Variants in OTUD3 observed in about 807,000 individuals in gnomAD.
OTUD3 encodes the protein OTU domain-containing protein 3.
OTUD3 carries 24 observed loss-of-function variants against 46.2 expected under a neutral mutation model. The observed-to-expected ratio is 0.52, with a 90% confidence interval of 0.38 to 0.73. The LOEUF (loss-of-function observed/expected upper bound fraction) is 0.73. Ranked by LOEUF, OTUD3 falls within the 30% of genes least tolerant of loss-of-function variation. The probability of loss-of-function intolerance (pLI) is 0.00; values close to 1 mark genes in which losing one functional copy is unlikely to be tolerated. For missense variants in OTUD3, 455 were observed against 523.3 expected, an observed-to-expected ratio of 0.87 and a Z score of 1.27; for synonymous variants, 189 against 195.4, an observed-to-expected ratio of 0.97 and a Z score of 0.27.
At chr1:19,901,435 T>C (rs1267158779) in intron 4 of OTUD3, among the ~76,000 whole-genome samples, 3 of 152,206 alleles carry the variant, frequency 2.0e-5, no homozygotes, top group Non-Finnish European at 4.4e-5. Context: ...TCTAGTTGGT[T>C]ATCATTTGTC....
chr1:19,887,076 CTTTTTCTTTTTT>C (rs1171017119), intron 1 of OTUD3, among the ~76,000 whole-genome samples: 2 of 135,504 alleles, frequency 1.5e-5, no homozygotes, highest in East Asian at 4.1e-4. Flanking sequence ...TTTTCTTTTT[CTTTTTCTTTTTT>C]TTTTTTTTTT....
At chr1:19,883,113 A>T (rs1294640235) in intron 1 of OTUD3, among the ~76,000 whole-genome samples, 2 of 152,254 alleles carry the variant, frequency 1.3e-5, no homozygotes, top group Non-Finnish European at 2.9e-5. Context: ...TATCATGACG[A>T]TAAGACCAGT....
chr1:19,882,630 T>C lies in OTUD3; in HGVS notation c.117T>C (p.Asn39=), dbSNP rs2100217607. The C allele has an allele frequency of 6.8e-7, 1 of 1,459,920 alleles. No individual in the cohort carries two copies. The highest frequency in any genetic ancestry group is 1.3e-5 in the South Asian group (1 of 74,396). The allele number at this position is 1,459,920 out of a possible 1,614,324, so 90.4% of individuals were successfully genotyped here. A position where few individuals can be genotyped will look rare whatever the true frequency, so the allele number is the denominator to read the frequency against. Residue 39 remains asparagine (N), a synonymous_variant, in exon 1 of 8, where the codon AAT becomes AAC. Transcript: ENST00000375120. ...GGGCCCTGGCCAAGGAGCGGCGGAA[T>C]CGGCCGGAGTCTGGCGGCGGCGGCG... ...ARRALAKERR[N]RPESGGGGGC...
intron 7 of OTUD3, among the ~76,000 whole-genome samples, chr1:19,907,272 A>C (rs898665359): frequency 1.1e-4 from 16 of 152,228 alleles, no homozygotes; most frequent in Admixed American, 1.3e-4. Flanking sequence ...TGGGGCATTA[A>C]ATTATGTGGG....
intron 3 of OTUD3, among the ~76,000 whole-genome samples, chr1:19,895,543 G>GCACAGTGTCCCT (rs1557677460): frequency 6.6e-6 from 1 of 152,154 alleles, no homozygotes; most frequent in African/African-American, 2.4e-5. Context: ...TTTTGTCCCT[G>GCACAGTGTCCCT]GCACAGTGTC....
intron 4 of OTUD3, among the ~76,000 whole-genome samples, chr1:19,901,108 C>T (rs1283268876): frequency 6.6e-6 from 1 of 151,974 alleles, no homozygotes; most frequent in Non-Finnish European, 1.5e-5. Context: ...CGGGGTTTCA[C>T]CGTGTTGGCC....
At chr1:19,884,470 C>T (rs2045326761) in intron 1 of OTUD3, among the ~76,000 whole-genome samples, 1 of 152,192 alleles carries the variant, frequency 6.6e-6, no homozygotes, top group South Asian at 2.1e-4. Context: ...GACTAAGATA[C>T]TTAAGGACTT....
chr1:19,888,319 T>G (rs931103686), intron 1 of OTUD3, among the ~76,000 whole-genome samples: 1 of 152,150 alleles, frequency 6.6e-6, no homozygotes, highest in Non-Finnish European at 1.5e-5. Context: ...CCAGATCTCC[T>G]AGAGGCCCTT....
chr1:19,899,548 A>G (rs1000590298), intron 4 of OTUD3, among the ~76,000 whole-genome samples: 1 of 152,138 alleles, frequency 6.6e-6, no homozygotes, highest in Non-Finnish European at 1.5e-5. Context: ...GTGGTTTCTA[A>G]CCCTTTGCTA....
chr1:19,894,364 G>T lies in OTUD3; in HGVS notation c.371-4G>T. 6.4e-7 allele frequency: 1 copy of T among 1,565,058 alleles called. No homozygotes were observed. Reference sequence around the variant, plus strand: ...CGTCATTTTTCTTTCCTATTTCCATGCAGTGGCCAGTTTGGCAAAGCCTGG... The same window carrying T: ...CGTCATTTTTCTTTCCTATTTCCATTCAGTGGCCAGTTTGGCAAAGCCTGG... On this transcript the variant is annotated splice_polypyrimidine_tract_variant and splice_region_variant and intron_variant, in intron 2 of 7. Transcript: ENST00000375120.
intron 1 of OTUD3, among the ~76,000 whole-genome samples, chr1:19,884,974 T>C (rs1429658665): frequency 2.0e-5 from 3 of 152,210 alleles, no homozygotes; most frequent in Non-Finnish European, 2.9e-5. Context: ...TAAATACTCA[T>C]TGGATACACT....
At chr1:19,897,347 TAAGCATACGG>T (rs1337781414) in intron 3 of OTUD3, among the ~76,000 whole-genome samples, 183 bp from the exon 4 acceptor site, 1 of 152,190 alleles carries the variant, frequency 6.6e-6, no homozygotes, top group Admixed American at 6.5e-5. Context: ...ACATATTAAA[TAAGCATACGG>T]AAGCATACAC....
At chr1:19,893,003 T>TTCTC (rs151287031) in intron 2 of OTUD3, among the ~76,000 whole-genome samples, 1 of 151,764 alleles carries the variant, frequency 6.6e-6, no homozygotes, top group Non-Finnish European at 1.5e-5. Flanking sequence ...CATATTAGAG[T>TTCTC]TCTCTCTCTC....
chr1:19,886,179 T>C (rs2045357061), intron 1 of OTUD3, among the ~76,000 whole-genome samples: 1 of 152,218 alleles, frequency 6.6e-6, no homozygotes, highest in South Asian at 2.1e-4. Flanking sequence ...CATGATTGGC[T>C]ATAGTGTGAA....
At chr1:19,900,481 C>T (rs1440875044) in intron 4 of OTUD3, among the ~76,000 whole-genome samples, 1 of 152,106 alleles carries the variant, frequency 6.6e-6, no homozygotes, top group Non-Finnish European at 1.5e-5. Flanking sequence ...TAAGCTACTG[C>T]ACCCAGCTCA....
In OTUD3 at chr1:19,907,578, C is replaced by T; in HGVS notation, c.1029C>T (p.Asn343=). 4 of 1,613,404 alleles carry T rather than the reference C, an allele frequency of 2.5e-6. No homozygotes were observed. The highest frequency in any genetic ancestry group is 2.2e-5 in the South Asian group (2 of 91,042). ...ANKNQLAKVT[N]KQRREQQWME... ...ATGGCCTTCTCTCTCAGGTCACAAA[C>T]AAACAGAGGCGAGAACAGCAGTGGA... Residue 343 remains asparagine, a synonymous_variant, in exon 8 of 8, where the codon AAC becomes AAT. Coordinates refer to ENST00000375120, the MANE Select transcript of OTUD3 (RefSeq NM_015207.2).
At position 19,899,812 on chromosome 1, in the gene OTUD3, C is replaced by G. The variant is rs920422774; in HGVS notation, c.606+2150C>G. Among the ~76,000 whole-genome samples the G allele has an allele frequency of 2.0e-5, 3 of 152,144 alleles. 1 individual carries two copies. The highest frequency in any genetic ancestry group is 2.0e-4 in the Admixed American group (3 of 15,272). On this transcript the variant is annotated intron_variant, in intron 4 of 7. Coordinates refer to ENST00000375120, the MANE Select transcript of OTUD3 (RefSeq NM_015207.2). ...TTAGGGGAAAAATTGTTTACTTAAC[C>G]TAGTTTTAATTTGCATTTCTCTTAT... is the stretch of plus-strand genomic sequence containing the variant.
At chr1:19,894,515 T>G in intron 3 of OTUD3, 35 bp downstream of exon 3, 5 of 1,235,114 alleles carry the variant, frequency 4.0e-6, no homozygotes, top group Non-Finnish European at 5.9e-6. Flanking sequence ...TCTTAAGCTC[T>G]TATTTCTAAG....
intron 1 of OTUD3, among the ~76,000 whole-genome samples, chr1:19,883,488 G>C (rs894741694): frequency 3.3e-5 from 5 of 152,188 alleles, no homozygotes; most frequent in African/African-American, 1.2e-4. Flanking sequence ...GCAGGGGCAG[G>C]TAAAAAGGGG....
Sources: allele counts gnomAD v4.1 joint callset (sites outside exome capture counted in the v4.1 genomes callset), GRCh38; gene constraint gnomAD v4.1.1; transcripts MANE v1.5; gene names NCBI Gene and HGNC (gene_info 2026-07-23, HGNC 2026-07-21).